The following APOH variants were observed in gnomAD, a reference collection of about 807,000 sequenced individuals.
APOH encodes apolipoprotein H.
A neutral mutation model predicts 39.8 loss-of-function variants in APOH; 48 were observed. The ratio of observed to expected loss-of-function variants is 1.21; its 90% CI spans 0.96 to 1.54. The LOEUF (loss-of-function observed/expected upper bound fraction) is 1.54. APOH is among the 40% of genes most tolerant of loss of function. The pLI, the probability that APOH is intolerant of heterozygous loss-of-function variation, is 0.00. For missense variants in APOH, 415 were observed against 421.2 expected (o/e 0.99, Z 0.13); for synonymous variants, 153 against 151.1 (o/e 1.01, Z -0.09).
rs1299775897 is a variant in APOH at position 66,228,035 on chromosome 17, T to A, written c.226A>T (p.Thr76Ser). The change falls in exon 2 of 8, where the codon ACT (threonine) becomes TCT (serine). Residue 76 changes from threonine (T) to serine (S), a missense_variant. Thr to Ser is a moderately conservative substitution (Grantham distance 58). Coordinates refer to ENST00000205948, the MANE Select transcript of APOH (RefSeq NM_000042.3). ...ACTGACTTACGTGTACATTTCAGAGTGTTGATGGGCCACAGTCCTGTGAGA... is the reference window on the plus strand; with the variant it reads ...ACTGACTTACGTGTACATTTCAGAGAGTTGATGGGCCACAGTCCTGTGAGA... ...CPLTGLWPINTLKCTPRVCPF... is the reference protein window; with the variant it reads ...CPLTGLWPINSLKCTPRVCPF... The A allele has an allele frequency of 3.1e-6, 5 of 1,612,904 alleles. No homozygotes were observed. In the African/African-American group the frequency reaches 4.0e-5, roughly 13 times the overall value.
At chr17:66,226,561 G>A (rs1238341872) in intron 2 of APOH, among the ~76,000 whole-genome samples, 3 of 151,448 alleles carry the variant, frequency 2.0e-5, no homozygotes, top group African/African-American at 7.3e-5. Context: ...CTTGAACCCA[G>A]GAGGCAGAGG....
chr17:66,229,271 G>T, intron 1 of APOH, 45 bp downstream of exon 1: 1 of 1,477,206 alleles, frequency 6.8e-7, no homozygotes, highest in East Asian at 2.3e-5. Context: ...ATATACGAAG[G>T]GGTTGGATAT....
At chr17:66,229,269 A>G (rs776459284) in intron 1 of APOH, 47 bp downstream of exon 1, 1 of 1,468,338 alleles carries the variant, frequency 6.8e-7, no homozygotes, top group Non-Finnish European at 9.5e-7. Context: ...ACATATACGA[A>G]GGGGTTGGAT....
intron 3 of APOH, among the ~76,000 whole-genome samples, chr17:66,224,971 G>A (rs902649003): frequency 3.3e-5 from 5 of 151,846 alleles, no homozygotes; most frequent in Non-Finnish European, 5.9e-5. Flanking sequence ...GGAAGCTGAG[G>A]CAGGAGAATT....
At chr17:66,221,673 T>C (rs992387561) in intron 4 of APOH, among the ~76,000 whole-genome samples, 1 of 152,110 alleles carries the variant, frequency 6.6e-6, no homozygotes, top group Non-Finnish European at 1.5e-5. Context: ...CCATTACCAG[T>C]TCAGTCTGTT....
At chr17:66,221,537 C>A (rs895914033) in intron 4 of APOH, among the ~76,000 whole-genome samples, 10 of 152,078 alleles carry the variant, frequency 6.6e-5, no homozygotes, top group African/African-American at 2.2e-4. Context: ...TTTATAAAAT[C>A]TTTTATTCAT....
At position 66,228,004 on chromosome 17, in the gene APOH, G is replaced by A; in HGVS notation, c.241+16C>T. 6.2e-7 allele frequency: 1 copy of A among 1,602,608 alleles called. No individual in the cohort carries two copies. Among genetic ancestry groups the A allele is most frequent in the Non-Finnish European group, 8.5e-7 (1 of 1,173,384 alleles). ...CCAAATGAGGGAAGAGAATGTGAGA[G>A]AAGGTACTGACTTACGTGTACATTT... On this transcript the variant is annotated intron_variant, in intron 2 of 7. Coordinates refer to ENST00000205948, the MANE Select transcript of APOH (RefSeq NM_000042.3).
intron 3 of APOH, 30 bp downstream of exon 3, chr17:66,225,998 T>C (rs1386570926): frequency 1.3e-6 from 2 of 1,507,434 alleles, no homozygotes; most frequent in Non-Finnish European, 1.8e-6. Flanking sequence ...GCTCAGTCTG[T>C]TAACTGCTTA....
intron 4 of APOH, among the ~76,000 whole-genome samples, chr17:66,221,429 A>AAGGAAGGAAGCC (rs2073402454): frequency 6.9e-6 from 1 of 144,826 alleles, no homozygotes; most frequent in African/African-American, 2.5e-5. Context: ...GGAAGGAAGG[A>AAGGAAGGAAGCC]AGCCCTCAAG....
intron 6 of APOH, among the ~76,000 whole-genome samples, chr17:66,216,349 G>A (rs180809417): frequency 1.3e-5 from 2 of 151,974 alleles, no homozygotes; most frequent in Non-Finnish European, 2.9e-5. Context: ...CAGGTGTGGT[G>A]GTGGGGTGCC....
intron 6 of APOH, 32 bp from the exon 7 acceptor site, chr17:66,214,682 A>G (rs2073354495): frequency 1.3e-6 from 2 of 1,565,110 alleles, no homozygotes; most frequent in Admixed American, 1.7e-5. Flanking sequence ...ATCAGGACTT[A>G]AGAGTTCAGG....
chr17:66,218,995 G>C (rs1282284803), intron 5 of APOH, among the ~76,000 whole-genome samples: 1 of 152,150 alleles, frequency 6.6e-6, no homozygotes, highest in Non-Finnish European at 1.5e-5. Flanking sequence ...GGGTGACAGA[G>C]TGAGACACCA....
intron 4 of APOH, among the ~76,000 whole-genome samples, chr17:66,221,700 C>T (rs913580165): frequency 1.4e-4 from 22 of 152,094 alleles, no homozygotes; most frequent in Non-Finnish European, 3.1e-4. Flanking sequence ...GAATACCTCC[C>T]TGCTTTTGGA....
intron 6 of APOH, 86 bp from the exon 7 acceptor site, chr17:66,214,736 G>T: frequency 8.7e-7 from 1 of 1,147,974 alleles, no homozygotes; most frequent in South Asian, 1.3e-5. Flanking sequence ...CAGTAGATGA[G>T]TACACCTACA....
At chr17:66,212,517 T>G (rs1193169189) in intron 7 of APOH, among the ~76,000 whole-genome samples, 1 of 152,124 alleles carries the variant, frequency 6.6e-6, no homozygotes, top group African/African-American at 2.4e-5. Flanking sequence ...CCCGAGTAGC[T>G]GGGACTACAG....
In APOH at chr17:66,224,673, GAAGGGAAGGGAAGGGAAGGGA is replaced by G. The variant is rs2073425912; in HGVS notation, c.339-920_339-900del. Among the ~76,000 whole-genome samples, 10 of 47,256 alleles carry G rather than the reference GAAGGGAAGGGAAGGGAAGGGA, an allele frequency of 2.1e-4. 1 individual carries two copies. Among genetic ancestry groups the G allele is most frequent in the African/African-American group, 1.0e-3 (10 of 9,640 alleles). 31.0% of individuals were successfully genotyped at this position (47,256 alleles called of 152,430 possible). On this transcript the variant is annotated intron_variant, in intron 3 of 7. Transcript: ENST00000205948. ...GAAGGGAAGGGAAGGGAAGGGAAGG[GAAGGGAAGGGAAGGGAAGGGA>G]AAGGAAAGGAAAGGAAAGGAAAGGA...
intron 3 of APOH, among the ~76,000 whole-genome samples, chr17:66,224,686 G>A (rs372702904): frequency 0.041 from 1,109 of 26,918 alleles, 69 homozygotes; most frequent in East Asian, 0.072. Context: ...GGGAAGGGAA[G>A]GGAAGGGAAA....
intron 1 of APOH, 111 bp downstream of exon 1, chr17:66,229,205 G>C: frequency 1.2e-6 from 1 of 818,104 alleles, no homozygotes; most frequent in Non-Finnish European, 1.9e-6. Context: ...CCAAAGTGCT[G>C]AGATTACAGA....
At chr17:66,226,652 G>C (rs1326666421) in intron 2 of APOH, among the ~76,000 whole-genome samples, 1 of 151,160 alleles carries the variant, frequency 6.6e-6, no homozygotes, top group African/African-American at 2.4e-5. Context: ...ATAGTCTAAG[G>C]GTTCATCAGG....
Sources: allele counts gnomAD v4.1 joint callset (sites outside exome capture counted in the v4.1 genomes callset), GRCh38; gene constraint gnomAD v4.1.1; transcripts MANE v1.5; gene names NCBI Gene and HGNC (gene_info 2026-07-23, HGNC 2026-07-21).